LINGO2: variants seen among roughly 807,000 people sequenced by gnomAD.
LINGO2 encodes leucine rich repeat and Ig domain containing 2, also known as leucine-rich repeat and immunoglobulin-like domain-containing nogo receptor-interacting protein 2.
Under a neutral mutation model 30.6 loss-of-function variants are expected in LINGO2, and 14 were observed. The ratio of observed to expected loss-of-function variants is 0.46; its 90% CI spans 0.30 to 0.72. The LOEUF is 0.72. Among genes scored for constraint, LINGO2 ranks in the 30% least tolerant of loss-of-function variants. The pLI, the probability that LINGO2 is intolerant of heterozygous loss-of-function variation, is 0.07. For synonymous variants in LINGO2, 317 were observed against 288.5 expected (o/e 1.10, Z -1.00); for missense variants, 729 against 751.7 (o/e 0.97, Z 0.35).
At chr9:28,930,962 C>T in the LINGO2 span, among the ~76,000 whole-genome samples, 8 of 152,320 alleles carry the variant, frequency 5.3e-5, no homozygotes, top group Admixed American at 4.6e-4. This position sits in a 1 kb window ranked among gnomAD's most constrained non-coding sequence, Gnocchi z 4.2. Flanking sequence ...CATATGAATG[C>T]AGGCAATTAA....
In LINGO2 at chr9:28,581,744, G is replaced by A. The variant is rs75577530; in HGVS notation, c.-365+88456C>T. ...GCTGAGATATATTTAAAGGTTTCTT[G>A]TAATTTCAACTGATCAATGGTTTTC... On this transcript the variant is annotated intron_variant, in intron 1 of 5. Coordinates refer to ENST00000379992, the Ensembl canonical transcript of LINGO2. Among the ~76,000 whole-genome samples, 1,289 of 151,860 alleles carry A rather than the reference G, an allele frequency of 8.5e-3. 28 individuals are homozygous for A. Among genetic ancestry groups the A allele is most frequent in the East Asian group, 0.056 (287 of 5,146 alleles).
At chr9:28,701,895 G>C in the LINGO2 span, among the ~76,000 whole-genome samples, 2 of 151,956 alleles carry the variant, frequency 1.3e-5, no homozygotes, top group South Asian at 4.1e-4. Context: ...TGGGGTGCTA[G>C]TGTAAACAGT....
At chr9:28,647,443 A>G (rs974759545) in intron 1 of LINGO2, among the ~76,000 whole-genome samples, 1 of 152,100 alleles carries the variant, frequency 6.6e-6, no homozygotes, top group Non-Finnish European at 1.5e-5. Flanking sequence ...GTGACACATA[A>G]TCAGTGTTAG....
chr9:28,673,099 T>C (rs1354023700), upstream of LINGO2, among the ~76,000 whole-genome samples: 1 of 152,132 alleles, frequency 6.6e-6, no homozygotes, highest in Non-Finnish European at 1.5e-5. Context: ...TTGTAGGGTA[T>C]TTTTTAAAGG....
chr9:28,316,384 T>A (rs1824847949), intron 3 of LINGO2, among the ~76,000 whole-genome samples: 1 of 152,200 alleles, frequency 6.6e-6, no homozygotes, highest in African/African-American at 2.4e-5. Context: ...GATTACCATA[T>A]GCCAGCTCTG....
chr9:28,805,772 A>C, the LINGO2 span, among the ~76,000 whole-genome samples: 2 of 152,136 alleles, frequency 1.3e-5, no homozygotes, highest in East Asian at 1.9e-4. Context: ...AGAACATTGA[A>C]TCCTCTAGGT....
chr9:28,162,472 G>C (rs1480469985), intron 4 of LINGO2, among the ~76,000 whole-genome samples: 4 of 152,112 alleles, frequency 2.6e-5, no homozygotes, highest in African/African-American at 9.7e-5. Context: ...TAAGGAGGCA[G>C]AGATGTGATG....
chr9:29,150,318 C>G, the LINGO2 span, among the ~76,000 whole-genome samples: 1 of 152,182 alleles, frequency 6.6e-6, no homozygotes, highest in Non-Finnish European at 1.5e-5. Flanking sequence ...ACAGTCTACT[C>G]AGATGAGAAA....
the LINGO2 span, among the ~76,000 whole-genome samples, chr9:29,181,652 G>A: frequency 6.6e-6 from 1 of 152,088 alleles, no homozygotes; most frequent in Admixed American, 6.6e-5. Context: ...GAAATAAACT[G>A]ATGTACTAGG....
At chr9:28,231,904 A>G (rs918892215) in intron 4 of LINGO2, among the ~76,000 whole-genome samples, 1 of 152,040 alleles carries the variant, frequency 6.6e-6, no homozygotes, top group African/African-American at 2.4e-5. Flanking sequence ...CTTTATATAT[A>G]TATATTTTTT....
At chr9:28,803,722 A>G in the LINGO2 span, among the ~76,000 whole-genome samples, 1 of 151,958 alleles carries the variant, frequency 6.6e-6, no homozygotes, top group Non-Finnish European at 1.5e-5. Flanking sequence ...TTTCCCTATA[A>G]TAGCCATGTA....
intron 4 of LINGO2, among the ~76,000 whole-genome samples, chr9:28,090,616 T>C (rs562630236): frequency 2.0e-5 from 3 of 152,136 alleles, no homozygotes; most frequent in East Asian, 1.9e-4. Flanking sequence ...TCATACTTAA[T>C]GGGCAAAAAC....
At chr9:27,939,502 T>A in the LINGO2 span, 2 of 152,232 alleles carry the variant, frequency 1.3e-5, no homozygotes, top group Non-Finnish European at 2.9e-5. Context: ...ATCAAGGTGG[T>A]GGAGGTGACT....
At chr9:28,356,886 G>A (rs1820229801) in intron 3 of LINGO2, among the ~76,000 whole-genome samples, 1 of 150,526 alleles carries the variant, frequency 6.6e-6, no homozygotes, top group Admixed American at 6.7e-5. Flanking sequence ...TCCACTGAGT[G>A]ATTATATTAT....
intron 3 of LINGO2, among the ~76,000 whole-genome samples, chr9:28,369,398 AC>A (rs1820812208): frequency 6.6e-6 from 1 of 152,288 alleles, no homozygotes; most frequent in East Asian, 1.9e-4. Context: ...AAAAGCTCAC[AC>A]CATGTTTAAT....
chr9:27,959,414 A>G, intron 5 of LINGO2, among the ~76,000 whole-genome samples: 1 of 152,142 alleles, frequency 6.6e-6, no homozygotes, highest in East Asian at 1.9e-4. Flanking sequence ...ATCCCTTTCT[A>G]CATGCTTTAG....
intron 5 of LINGO2, among the ~76,000 whole-genome samples, chr9:27,971,000 T>G (rs1405998464): frequency 6.6e-6 from 1 of 151,502 alleles, no homozygotes; most frequent in African/African-American, 2.4e-5. Context: ...ATCTTTCTAT[T>G]TGTTTTGATA....
chr9:29,028,581 G>A, the LINGO2 span, among the ~76,000 whole-genome samples: 2 of 152,072 alleles, frequency 1.3e-5, no homozygotes, highest in Non-Finnish European at 2.9e-5. Context: ...TTTGAATCTA[G>A]GCTACCCTTG....
chr9:28,339,317 C>G (rs1355333747), intron 3 of LINGO2, among the ~76,000 whole-genome samples: 1 of 152,074 alleles, frequency 6.6e-6, no homozygotes, highest in Non-Finnish European at 1.5e-5. Context: ...AGTTCATTAT[C>G]CATTTTAATT....
Sources: allele counts gnomAD v4.1 joint callset (sites outside exome capture counted in the v4.1 genomes callset), GRCh38; gene constraint gnomAD v4.1.1; non-coding constraint Gnocchi (gnomAD v3.1); transcripts MANE v1.5; gene names NCBI Gene and HGNC (gene_info 2026-07-23, HGNC 2026-07-21).